SOX5: variants seen among roughly 807,000 people sequenced by gnomAD.
SOX5 encodes the protein transcription factor SOX-5.
A neutral mutation model predicts 92.0 loss-of-function variants in SOX5; 9 were observed. The observed-to-expected ratio is 0.10, with a 90% CI of 0.06 to 0.17. The LOEUF (loss-of-function observed/expected upper bound fraction) is 0.17, where lower values mean the gene tolerates loss of function less well. Ranked by LOEUF, SOX5 falls within the 10% of genes least tolerant of loss-of-function variation. The pLI, the probability that SOX5 is intolerant of heterozygous loss-of-function variation, is 1.00. For synonymous variants in SOX5, 344 were observed against 336.3 expected, an observed-to-expected ratio of 1.02 and a Z score of -0.25; for missense variants, 642 against 944.5, an observed-to-expected ratio of 0.68 and a Z score of 4.20.
At chr12:24,439,217 A>G (rs534191250) in intron 1 of SOX5, among the ~76,000 whole-genome samples, 9 of 152,354 alleles carry the variant, frequency 5.9e-5, no homozygotes, top group African/African-American at 2.2e-4. Context: ...TAATTAAGGT[A>G]TGTACGTTCT....
intron 4 of SOX5, among the ~76,000 whole-genome samples, chr12:23,995,028 A>T (rs960180372): frequency 3.9e-5 from 6 of 152,182 alleles, no homozygotes; most frequent in African/African-American, 1.4e-4. Context: ...TTGACCCAAG[A>T]TCTGCCAACT....
At chr12:24,408,109 G>T (rs1963361060) in intron 1 of SOX5, among the ~76,000 whole-genome samples, 1 of 152,118 alleles carries the variant, frequency 6.6e-6, no homozygotes, top group African/African-American at 2.4e-5. Context: ...AAGGCCTTGT[G>T]GTGAGAGCTT....
At chr12:23,850,958 T>C (rs1568335951) in intron 2 of SOX5, among the ~76,000 whole-genome samples, 2 of 152,198 alleles carry the variant, frequency 1.3e-5, no homozygotes, top group Non-Finnish European at 2.9e-5. Flanking sequence ...CTATGAACTC[T>C]TATGAACCAT....
At chr12:24,519,074 G>A (rs932274310) in intron 1 of SOX5, among the ~76,000 whole-genome samples, 1 of 152,082 alleles carries the variant, frequency 6.6e-6, no homozygotes, top group Non-Finnish European at 1.5e-5. Context: ...AAATAATGCA[G>A]AGCTGAGAAA....
intron 2 of SOX5, among the ~76,000 whole-genome samples, chr12:24,289,680 C>T (rs1946392368): frequency 1.6e-5 from 2 of 121,446 alleles, no homozygotes; most frequent in Admixed American, 1.5e-4. Context: ...TGGTCTCGAT[C>T]TCCTGACCTC....
chr12:24,300,338 C>T (rs1186430144), intron 2 of SOX5, among the ~76,000 whole-genome samples: 1 of 152,188 alleles, frequency 6.6e-6, no homozygotes, highest in Non-Finnish European at 1.5e-5. Flanking sequence ...TAGCTAGTTA[C>T]AGGAAGCCTT....
At chr12:23,540,497 A>T (rs1340335538) in intron 13 of SOX5, among the ~76,000 whole-genome samples, 1 of 152,084 alleles carries the variant, frequency 6.6e-6, no homozygotes, top group Non-Finnish European at 1.5e-5. Flanking sequence ...GGAAAAAATA[A>T]GGTCCAACGA....
intron 3 of SOX5, among the ~76,000 whole-genome samples, chr12:23,831,717 T>C (rs1055603001): frequency 6.6e-6 from 1 of 152,050 alleles, no homozygotes; most frequent in African/African-American, 2.4e-5. Context: ...AAATATAAAA[T>C]TGTGAGCAAA....
chr12:24,084,026 C>T (rs1943673301), intron 4 of SOX5, among the ~76,000 whole-genome samples: 1 of 151,762 alleles, frequency 6.6e-6, no homozygotes, highest in Admixed American at 6.6e-5. Flanking sequence ...TTCTGCAGTG[C>T]AAGAGGAAAG....
At chr12:24,254,397 CA>C (rs144861251) in intron 3 of SOX5, among the ~76,000 whole-genome samples, 36 of 147,018 alleles carry the variant, frequency 2.4e-4, no homozygotes, top group African/African-American at 4.8e-4. Context: ...AAAAAAAAGT[CA>C]AAAAAAAATA....
intron 4 of SOX5, among the ~76,000 whole-genome samples, chr12:24,049,358 C>T (rs1008570806): frequency 3.3e-5 from 5 of 152,204 alleles, no homozygotes; most frequent in Non-Finnish European, 5.9e-5. Context: ...CGCTAAACCA[C>T]TTGTTTGACA....
At chr12:23,721,440 G>A (rs530223695) in intron 6 of SOX5, among the ~76,000 whole-genome samples, 1 of 152,056 alleles carries the variant, frequency 6.6e-6, no homozygotes, top group Non-Finnish European at 1.5e-5. Context: ...TCACAGTGTT[G>A]GTCTGTGATG....
intron 7 of SOX5, among the ~76,000 whole-genome samples, chr12:23,662,635 C>T (rs1545769): frequency 6.6e-6 from 1 of 152,046 alleles, no homozygotes; most frequent in Non-Finnish European, 1.5e-5. Flanking sequence ...AAAAGCTTCT[C>T]TTTCAGAAAC....
chr12:23,760,877 G>A (rs1482372439), intron 3 of SOX5, among the ~76,000 whole-genome samples: 1 of 152,032 alleles, frequency 6.6e-6, no homozygotes, highest in Non-Finnish European at 1.5e-5. Context: ...GTTTATGTAG[G>A]TTTTTTTCCT....
At chr12:23,588,520 T>C (rs1951065256) in intron 9 of SOX5, among the ~76,000 whole-genome samples, 1 of 151,970 alleles carries the variant, frequency 6.6e-6, no homozygotes, top group East Asian at 1.9e-4. Flanking sequence ...AAATTTACAG[T>C]CTGAATTCCA....
At chr12:23,553,636 C>T (rs971133953) in intron 11 of SOX5, among the ~76,000 whole-genome samples, 2 of 151,900 alleles carry the variant, frequency 1.3e-5, no homozygotes, top group Non-Finnish European at 2.9e-5. Context: ...TCTTCCAAAC[C>T]GTGGCAGACA....
intron 2 of SOX5, among the ~76,000 whole-genome samples, chr12:24,328,217 C>G (rs1244173935): frequency 6.6e-6 from 1 of 152,168 alleles, no homozygotes; most frequent in Non-Finnish European, 1.5e-5. Flanking sequence ...CTAGCAAATC[C>G]TATTTCCTGA....
intron 4 of SOX5, among the ~76,000 whole-genome samples, chr12:23,970,841 A>ATATTTTTTTTTTT: frequency 4.6e-5 from 1 of 21,878 alleles, no homozygotes; most frequent in Non-Finnish European, 1.0e-4. Context: ...TATATATATA[A>ATATTTTTTTTTTT]TTTTTTTTTT....
intron 3 of SOX5, among the ~76,000 whole-genome samples, chr12:23,774,108 C>T (rs1488808385): frequency 6.6e-6 from 1 of 152,154 alleles, no homozygotes; most frequent in Non-Finnish European, 1.5e-5. Context: ...ACGGTGTCTA[C>T]ACATTAAGTG....
Sources: gnomAD v4.1 joint callset for allele counts (sites outside exome capture counted in the v4.1 genomes callset) on GRCh38, gnomAD v4.1.1 for gene constraint, MANE v1.5 for transcripts, NCBI Gene and HGNC (gene_info 2026-07-23, HGNC 2026-07-21) for gene names.